ZNF391: variants seen among roughly 807,000 people sequenced by gnomAD.
ZNF391 encodes the protein zinc finger protein 391.
For missense variants in ZNF391, 375 were observed against 425.5 expected, an observed-to-expected ratio of 0.88 and a Z score of 1.04; for synonymous variants, 126 against 142.1, an observed-to-expected ratio of 0.89 and a Z score of 0.80.
Position 27,376,747 on chromosome 6 carries a change from G to A in ZNF391, n.523+1610G>A, listed in dbSNP as rs1348367005. Among the ~76,000 whole-genome samples, 1 of 152,196 alleles carries A rather than the reference G, an allele frequency of 6.6e-6. No individual in the cohort carries two copies. The highest frequency in any genetic ancestry group is 2.4e-5 in the African/African-American group (1 of 41,526). On this transcript the variant is annotated intron_variant and non_coding_transcript_variant, in intron 1 of 2. Coordinates refer to the ZNF391 transcript ENST00000477999. This position sits in a 1 kb window ranked among gnomAD's most constrained non-coding sequence, Gnocchi z 4.7. ...ATGGCGAGCCGCTTGAAGCTACTCC[G>A]GCGGCTGAGGCAGGAGAATTGCTTG...
At chr6:27,382,060 C>T (rs1342327780) in intron 1 of ZNF391, among the ~76,000 whole-genome samples, 7 of 133,708 alleles carry the variant, frequency 5.2e-5, no homozygotes, top group African/African-American at 1.4e-4. Flanking sequence ...AGGCCGGCTG[C>T]GTTGGCTCAC....
intron 1 of ZNF391, among the ~76,000 whole-genome samples, chr6:27,381,830 T>C (rs1428483001): frequency 6.6e-6 from 1 of 151,766 alleles, no homozygotes; most frequent in Admixed American, 6.6e-5. Context: ...GTCAGAAGTT[T>C]GAGACCAGCC....
In ZNF391 at chr6:27,388,759, A is replaced by G; in HGVS notation, c.-504A>G. ...CGCTGCTGATACGTTGCTCAGTCTC[A>G]GTGTGGTCTCTGTTTTGCAACTGGT... On this transcript the variant is annotated 5_prime_UTR_variant, in exon 1 of 3. Coordinates refer to ENST00000244576, the MANE Select transcript of ZNF391 (RefSeq NM_001076781.3). The G allele has an allele frequency of 2.5e-6, 1 of 395,230 alleles. No individual in the cohort carries two copies. Among genetic ancestry groups the G allele is most frequent in the Non-Finnish European group, 4.9e-6 (1 of 203,466 alleles). 24.5% of individuals were successfully genotyped at this position (395,230 alleles called of 1,614,324 possible).
chr6:27,401,566 A>G lies in ZNF391; in HGVS notation c.*119A>G. On this transcript the variant is annotated 3_prime_UTR_variant, in exon 3 of 3. Transcript: ENST00000244576. ...TAATTTTCTTTTATTAGATACCTATACCCGTTTTAAGCTTTCATTCGTTCT... is the reference window on the plus strand; with the variant it reads ...TAATTTTCTTTTATTAGATACCTATGCCCGTTTTAAGCTTTCATTCGTTCT... 1.4e-6 allele frequency: 1 copy of G among 700,908 alleles called. No individual in the cohort carries two copies. The highest frequency in any genetic ancestry group is 2.8e-5 in the East Asian group (1 of 35,198). The allele number at this position is 700,908 out of a possible 1,614,324, so 43.4% of individuals were successfully genotyped here.
At position 27,400,468 on chromosome 6, in the gene ZNF391, A is replaced by G; in HGVS notation, c.98A>G (p.Gln33Arg). The G allele has an allele frequency of 6.2e-7, 1 of 1,614,218 alleles. No homozygotes were observed. The change falls in exon 3 of 3, where the codon CAG becomes CGG. Residue 33 changes from glutamine to arginine, a missense_variant. Transcript: ENST00000244576. ...TCAAGGCAAACAAAATGTCCTGCAC[A>G]GAAGAAATCCTCTTTTGAGAACACA... is the stretch of plus-strand genomic sequence containing the variant. ...QLSRQTKCPAQKKSSFENTVV... is the reference protein window; with the variant it reads ...QLSRQTKCPARKKSSFENTVV...
At chr6:27,382,033 T>TTAAAA (rs1216446131) in intron 1 of ZNF391, among the ~76,000 whole-genome samples, 1 of 12,528 alleles carries the variant, frequency 8.0e-5, no homozygotes, top group Non-Finnish European at 1.9e-4. Context: ...AGACTCCATC[T>TTAAAA]CAAAAAAAAA....
At chr6:27,381,331 G>C (rs575507986) in intron 1 of ZNF391, among the ~76,000 whole-genome samples, 1 of 152,236 alleles carries the variant, frequency 6.6e-6, no homozygotes, top group Non-Finnish European at 1.5e-5. Flanking sequence ...CTCATTGCCC[G>C]GGGCCGGCAG....
intron 1 of ZNF391, among the ~76,000 whole-genome samples, chr6:27,395,544 G>GT (rs1322945512): frequency 1.3e-5 from 2 of 151,978 alleles, no homozygotes; most frequent in Non-Finnish European, 2.9e-5. Context: ...CCATCCTCAG[G>GT]TATTTCTTTA....
Position 27,403,743 on chromosome 6 carries a change from TA to T in ZNF391, c.*2297del, listed in dbSNP as rs1442472625. On this transcript the variant is annotated 3_prime_UTR_variant, in exon 3 of 3. Transcript: ENST00000244576. ...TCCTTGAATTACATATATAACTGACTATTTAGACTGACTCCTTTAGATCTCC... is the reference window on the plus strand; with the variant it reads ...TCCTTGAATTACATATATAACTGACTTTTAGACTGACTCCTTTAGATCTCC... 6.6e-6 allele frequency: 1 copy of T among 152,256 alleles called. No individual in the cohort carries two copies. The highest frequency in any genetic ancestry group is 2.4e-5 in the African/African-American group (1 of 41,470). The allele number at this position is 152,256 out of a possible 1,614,324, so 9.4% of individuals were successfully genotyped here.
upstream of ZNF391, among the ~76,000 whole-genome samples, chr6:27,387,528 C>CAT (rs1276252775): frequency 6.6e-6 from 1 of 152,170 alleles, no homozygotes. Context: ...TAAACACACA[C>CAT]ATATACACGA....
intron 1 of ZNF391, among the ~76,000 whole-genome samples, chr6:27,381,323 C>A (rs1428115675): frequency 6.6e-6 from 1 of 152,244 alleles, no homozygotes; most frequent in Non-Finnish European, 1.5e-5. Flanking sequence ...CTAAGCCCCT[C>A]ATTGCCCGGG....
chr6:27,381,211 C>G (rs978832120), intron 1 of ZNF391, among the ~76,000 whole-genome samples: 1 of 152,232 alleles, frequency 6.6e-6, no homozygotes, highest in African/African-American at 2.4e-5. Flanking sequence ...AGGCCTGCGC[C>G]GCGGGAAGGC....
chr6:27,380,538 A>G (rs1371792532), intron 1 of ZNF391, among the ~76,000 whole-genome samples: 3 of 152,216 alleles, frequency 2.0e-5, no homozygotes, highest in Non-Finnish European at 4.4e-5. Context: ...CAGTGAAACA[A>G]CAAACTTCTA....
At position 27,401,417 on chromosome 6, in the gene ZNF391, C is replaced by G. The variant is rs200442129; in HGVS notation, c.1047C>G (p.Ile349Met). ...CCTTCTGTCAGAGTTCAACTCTGAT[C>G]AGACATCAGCACCTTCATACTAAAG... ...GKAFCQSSTL[I>M]RHQHLHTKE is the part of the protein sequence containing the mutation. The change falls in exon 3 of 3, where the codon ATC (isoleucine) becomes ATG (methionine). Residue 349 changes from isoleucine to methionine, a missense_variant. Coordinates refer to ENST00000244576, the MANE Select transcript of ZNF391 (RefSeq NM_001076781.3). The G allele has an allele frequency of 6.6e-5, 106 of 1,610,212 alleles. 1 individual carries two copies. The highest frequency in any genetic ancestry group is 1.7e-5 in the Admixed American group (1 of 59,982).
chr6:27,388,818 G>C lies in ZNF391; in HGVS notation c.-445G>C, dbSNP rs528423366. On this transcript the variant is annotated 5_prime_UTR_variant, in exon 1 of 3. Transcript: ENST00000244576. ...TCAGGAGACTTAGGTCCAGGCGACTGCCCAGACAATGACTGGTCCCGCATA... is the reference window on the plus strand; with the variant it reads ...TCAGGAGACTTAGGTCCAGGCGACTCCCCAGACAATGACTGGTCCCGCATA... The C allele has an allele frequency of 2.1e-5, 9 of 432,864 alleles. No individual in the cohort carries two copies. Among genetic ancestry groups the C allele is most frequent in the Non-Finnish European group, 4.1e-5 (9 of 220,696 alleles). 26.8% of individuals were successfully genotyped at this position (432,864 alleles called of 1,614,324 possible).
At position 27,400,625 on chromosome 6, in the gene ZNF391, A is replaced by G. The variant is rs1372561809; in HGVS notation, c.255A>G (p.Ile85Met). ...QKIPKGHGSP[I>M]SRKNSKDNSD... is the part of the protein sequence containing the mutation. Reference sequence around the variant, plus strand: ...TTCCAAAGGGACATGGATCCCCAATATCTAGGAAAAACTCCAAAGATAATT... The same window carrying G: ...TTCCAAAGGGACATGGATCCCCAATGTCTAGGAAAAACTCCAAAGATAATT... The change falls in exon 3 of 3, where the codon ATA becomes ATG. Residue 85 changes from isoleucine (I) to methionine (M), a missense_variant. Transcript: ENST00000244576. 7 of 1,614,118 alleles carry G rather than the reference A, an allele frequency of 4.3e-6. No individual in the cohort carries two copies. Among genetic ancestry groups the G allele is most frequent in the Non-Finnish European group, 5.9e-6 (7 of 1,180,048 alleles).
chr6:27,401,071 C>T lies in ZNF391; in HGVS notation c.701C>T (p.Ser234Leu), dbSNP rs750600217. The T allele has an allele frequency of 6.2e-7, 1 of 1,614,196 alleles. No homozygotes were observed. Among genetic ancestry groups the T allele is most frequent in the Non-Finnish European group, 8.5e-7 (1 of 1,180,030 alleles). Residue 234 changes from serine (S) to leucine (L), a missense_variant, in exon 3 of 3, where the codon TCA becomes TTA. Coordinates refer to ENST00000244576, the MANE Select transcript of ZNF391 (RefSeq NM_001076781.3). ...NECGKAFGDR[S>L]TIIQHQRIHT... ...TGTGGGAAAGCCTTCGGTGACCGTT[C>T]AACCATAATTCAGCATCAACGAATA...
At chr6:27,389,158 G>T (rs973775591) in intron 1 of ZNF391, 83 bp downstream of exon 1, 1 of 456,698 alleles carries the variant, frequency 2.2e-6, no homozygotes. Context: ...TGGTTTGGCT[G>T]CAGGTCGGGT....
upstream of ZNF391, among the ~76,000 whole-genome samples, chr6:27,386,595 A>AAACTC (rs887737088): frequency 2.4e-4 from 36 of 152,196 alleles, no homozygotes; most frequent in Middle Eastern, 3.2e-3. Flanking sequence ...CCCAGAAATA[A>AAACTC]ACCTCACATA....
Sources: gnomAD v4.1 joint callset for allele counts (sites outside exome capture counted in the v4.1 genomes callset) on GRCh38, gnomAD v4.1.1 for gene constraint, Gnocchi (gnomAD v3.1) non-coding constraint, MANE v1.5 for transcripts, NCBI Gene and HGNC (gene_info 2026-07-23, HGNC 2026-07-21) for gene names.